The following QRICH2 variants were observed in gnomAD, a reference collection of about 807,000 sequenced individuals.
The protein encoded by QRICH2 is glutamine rich 2.
A neutral mutation model predicts 168.3 loss-of-function variants in QRICH2; 119 were observed. The observed-to-expected ratio is 0.71, with a 90% CI of 0.61 to 0.82. QRICH2 has a LOEUF of 0.82. Among genes scored for constraint, QRICH2 ranks in the 40% least tolerant of loss-of-function variants. The pLI, the probability that QRICH2 is intolerant of heterozygous loss-of-function variation, is 0.00. For synonymous variants in QRICH2, 894 were observed against 951.2 expected, an observed-to-expected ratio of 0.94 and a Z score of 1.11; for missense variants, 2,241 against 2,491.6, an observed-to-expected ratio of 0.90 and a Z score of 2.14.
At chr17:76,299,672 C>T (rs1226949053) in intron 3 of QRICH2, among the ~76,000 whole-genome samples, 1 of 151,704 alleles carries the variant, frequency 6.6e-6, no homozygotes, top group Non-Finnish European at 1.5e-5. Context: ...AGGAGGTGAA[C>T]GTTGCAGTGA....
chr17:76,278,370 G>A (rs910575752), intron 14 of QRICH2, among the ~76,000 whole-genome samples, 181 bp from the exon 15 acceptor site: 5 of 152,234 alleles, frequency 3.3e-5, no homozygotes, highest in Non-Finnish European at 7.3e-5. Context: ...CAGACTTGCC[G>A]GGAAGGCTTT....
Position 76,280,259 on chromosome 17 carries a change from GGA to G in QRICH2, c.4626+26_4626+27del. The G allele has an allele frequency of 6.2e-7, 1 of 1,612,384 alleles. No homozygotes were observed. Among genetic ancestry groups the G allele is most frequent in the Non-Finnish European group, 8.5e-7 (1 of 1,179,032 alleles). ...GATCCTGGGGGCAAGGCTGTGGGAT[GGA>G]GAGCCCCGCCATGCCCCTGCCTCAC... On this transcript the variant is annotated intron_variant, in intron 11 of 18. Coordinates refer to ENST00000680821, the MANE Select transcript of QRICH2 (RefSeq NM_001388453.1). This position sits in a 1 kb window ranked among gnomAD's most constrained non-coding sequence, Gnocchi z 7.4.
At chr17:76,305,465 C>G (rs1474264018) in intron 1 of QRICH2, among the ~76,000 whole-genome samples, 1 of 152,174 alleles carries the variant, frequency 6.6e-6, no homozygotes, top group Non-Finnish European at 1.5e-5. Flanking sequence ...TGCTTTCTAC[C>G]TGGTTTTTAC....
intron 7 of QRICH2, among the ~76,000 whole-genome samples, chr17:76,282,698 T>C (rs1284998568): frequency 6.6e-6 from 1 of 152,174 alleles, no homozygotes; most frequent in Non-Finnish European, 1.5e-5. Context: ...TGTTCTCCTC[T>C]GCATCCCGCA....
rs111980390 is a variant in QRICH2, at chr17:76,281,042, G to T, written c.4264-89C>A. ...TAATATTGCTGCCCCAGGTAAGTTG[G>T]CCCTTAAAACATCTGCAAGGCTGGG... On this transcript the variant is annotated intron_variant, in intron 8 of 18. Transcript: ENST00000680821. This position sits in a 1 kb window ranked among gnomAD's most constrained non-coding sequence, Gnocchi z 4.4. 3.5e-5 allele frequency: 53 copies of T among 1,520,994 alleles called. 1 individual carries two copies. The African/African-American group carries it at 3.6e-4, about 10-fold the overall frequency. The allele number at this position is 1,520,994 out of a possible 1,614,324, so 94.2% of individuals were successfully genotyped here. A position where few individuals can be genotyped will look rare whatever the true frequency, so the allele number is the denominator to read the frequency against.
At chr17:76,288,421 T>G (rs1291501750) in intron 5 of QRICH2, among the ~76,000 whole-genome samples, 3 of 124,792 alleles carry the variant, frequency 2.4e-5, no homozygotes, top group Admixed American at 9.0e-5. Flanking sequence ...AAGGAATGAC[T>G]GGGCCGGGCG....
intron 3 of QRICH2, among the ~76,000 whole-genome samples, chr17:76,294,812 CA>C (rs35491289): frequency 6.7e-4 from 70 of 104,088 alleles, no homozygotes; most frequent in South Asian, 9.4e-4. Flanking sequence ...GACTCCTTCT[CA>C]AAAAAAAAAA....
intron 3 of QRICH2, among the ~76,000 whole-genome samples, chr17:76,298,113 C>T (rs557593018): frequency 2.8e-4 from 43 of 151,332 alleles, no homozygotes; most frequent in Non-Finnish European, 5.3e-4. Context: ...TTCAGGTGAT[C>T]CATCCACCTC....
In QRICH2 at chr17:76,293,488, T is replaced by C. The variant is rs1168124852; in HGVS notation, c.1239A>G (p.Val413=). Residue 413 remains valine, a synonymous_variant, in exon 4 of 19, where the codon GTA becomes GTG. Coordinates refer to ENST00000680821, the MANE Select transcript of QRICH2 (RefSeq NM_001388453.1). ...VPASTYPHGV[V]PLSMGQLGVP... ...CACCAAGCTGACCCATGCTGAGGGG[T>C]ACCACACCATGTGGGTAAGTGCTAG... 1 of 1,614,028 alleles carries C rather than the reference T, an allele frequency of 6.2e-7. No individual in the cohort carries two copies. Among genetic ancestry groups the C allele is most frequent in the Non-Finnish European group, 8.5e-7 (1 of 1,180,034 alleles).
At chr17:76,290,298 C>T (rs1299953153) in intron 4 of QRICH2, among the ~76,000 whole-genome samples, 1 of 152,168 alleles carries the variant, frequency 6.6e-6, no homozygotes, top group Non-Finnish European at 1.5e-5. Flanking sequence ...TCCTAAAGGG[C>T]TTTGGGACAA....
Position 76,308,034 on chromosome 17 carries a change from C to T in QRICH2, c.-36G>A. The T allele has an allele frequency of 3.2e-6, 4 of 1,231,604 alleles. No individual in the cohort carries two copies. In the South Asian group the frequency reaches 1.6e-4, roughly 50 times the overall value. 76.3% of individuals were successfully genotyped at this position (1,231,604 alleles called of 1,614,324 possible). A position where few individuals can be genotyped will look rare whatever the true frequency, so the allele number is the denominator to read the frequency against. ...AGGAGCTGTGCGCCGCCGCGGGGCG[C>T]CGGCCAACCACTTCCCGCTCACTGC... On this transcript the variant is annotated 5_prime_UTR_variant, in exon 1 of 19. Transcript: ENST00000680821.
Position 76,304,545 on chromosome 17 carries a change from C to T in QRICH2, c.595-20G>A. 3 of 1,501,954 alleles carry T rather than the reference C, an allele frequency of 2.0e-6. No homozygotes were observed. Among genetic ancestry groups the T allele is most frequent in the Non-Finnish European group, 2.8e-6 (3 of 1,082,706 alleles). 93.0% of individuals were successfully genotyped at this position (1,501,954 alleles called of 1,614,324 possible). A position where few individuals can be genotyped will look rare whatever the true frequency, so the allele number is the denominator to read the frequency against. On this transcript the variant is annotated intron_variant, in intron 2 of 18. Transcript: ENST00000680821. ...TAGTTCCTGACAGTGACAGAAAAGA[C>T]ACACACATACACCCCTTGATTAATC...
At chr17:76,305,399 C>T (rs1006191834) in intron 1 of QRICH2, among the ~76,000 whole-genome samples, 1 of 152,230 alleles carries the variant, frequency 6.6e-6, no homozygotes, top group Non-Finnish European at 1.5e-5. Context: ...CTCCTGGGTC[C>T]GAGCAATCCT....
At chr17:76,304,597 T>A in intron 2 of QRICH2, 72 bp from the exon 3 acceptor site, 1 of 1,081,262 alleles carries the variant, frequency 9.2e-7, no homozygotes, top group Non-Finnish European at 1.4e-6. Flanking sequence ...ACAGACTTGG[T>A]CTAACAGGAT....
intron 3 of QRICH2, 21 bp downstream of exon 3, chr17:76,304,394 C>T (rs756294547): frequency 1.2e-5 from 19 of 1,562,414 alleles, no homozygotes; most frequent in Non-Finnish European, 1.7e-5. Context: ...AAGACCACGG[C>T]CCAGGCCCCC....
chr17:76,281,820 G>T lies in QRICH2; in HGVS notation c.4263+44C>A. On this transcript the variant is annotated intron_variant, in intron 8 of 18. Coordinates refer to ENST00000680821, the MANE Select transcript of QRICH2 (RefSeq NM_001388453.1). This position sits in a 1 kb window ranked among gnomAD's most constrained non-coding sequence, Gnocchi z 4.4. ...GCAGCAGGGTGGCCCTCCTCTGTGGGGCCATGTCCAGTTGCAGCAGGAGGG... is the reference window on the plus strand; with the variant it reads ...GCAGCAGGGTGGCCCTCCTCTGTGGTGCCATGTCCAGTTGCAGCAGGAGGG... 1 of 1,598,174 alleles carries T rather than the reference G, an allele frequency of 6.3e-7. No individual in the cohort carries two copies.
upstream of QRICH2, chr17:76,308,525 G>C: frequency 1.0e-6 from 1 of 983,594 alleles, no homozygotes; most frequent in Non-Finnish European, 1.2e-6. Flanking sequence ...ACCATGCTTT[G>C]TGTCATCAGC....
intron 18 of QRICH2, among the ~76,000 whole-genome samples, chr17:76,275,586 C>A (rs1368176703): frequency 6.6e-6 from 1 of 152,228 alleles, no homozygotes; most frequent in Non-Finnish European, 1.5e-5. Flanking sequence ...TGGGTGGTGA[C>A]CCTGTCCCTA....
At chr17:76,276,400 A>G (rs948248605) in intron 17 of QRICH2, among the ~76,000 whole-genome samples, 2 of 152,222 alleles carry the variant, frequency 1.3e-5, no homozygotes, top group Non-Finnish European at 2.9e-5. Context: ...TGCCATGGAC[A>G]GAGGCCAAGA....
Sources: allele counts gnomAD v4.1 joint callset (sites outside exome capture counted in the v4.1 genomes callset), GRCh38; gene constraint gnomAD v4.1.1; non-coding constraint Gnocchi (gnomAD v3.1); transcripts MANE v1.5; gene names NCBI Gene and HGNC (gene_info 2026-07-23, HGNC 2026-07-21).